TMEM143: variants seen among roughly 807,000 people sequenced by gnomAD.
TMEM143 encodes the protein transmembrane protein 143.
A neutral mutation model predicts 40.3 loss-of-function variants in TMEM143; 45 were observed. The observed-to-expected ratio is 1.12, with a 90% CI of 0.88 to 1.43. The LOEUF (loss-of-function observed/expected upper bound fraction) is 1.43, where lower values mean the gene tolerates loss of function less well. Among genes scored for constraint, TMEM143 ranks in the 40% most tolerant of loss-of-function variants. The pLI is 0.00. For missense variants in TMEM143, 620 were observed against 613.4 expected (o/e 1.01, Z -0.11); for synonymous variants, 299 against 282.7 (o/e 1.06, Z -0.58).
In TMEM143 at chr19:48,333,975, C is replaced by T. The variant is rs1449008549; in HGVS notation, c.1165+33G>A. 1.3e-6 allele frequency: 2 copies of T among 1,499,266 alleles called. No homozygotes were observed. The highest frequency in any genetic ancestry group is 2.5e-5 in the South Asian group (2 of 80,726). The allele number at this position is 1,499,266 out of a possible 1,614,324, so 92.9% of individuals were successfully genotyped here. A position where few individuals can be genotyped will look rare whatever the true frequency, so the allele number is the denominator to read the frequency against. On this transcript the variant is annotated intron_variant, in intron 7 of 7. Coordinates refer to ENST00000293261, the MANE Select transcript of TMEM143 (RefSeq NM_018273.4). The surrounding 1 kb of genome is among the most constrained non-coding windows in gnomAD (Gnocchi z 4.1). ...GGGCGGGGCCTCGCGGGGGTGTGGC[C>T]CCTGGGGGCAGGGTCCCAGGGCCAC...
At chr19:48,349,863 C>G (rs1244657294) in intron 3 of TMEM143, among the ~76,000 whole-genome samples, 5 of 152,086 alleles carry the variant, frequency 3.3e-5, no homozygotes, top group Non-Finnish European at 5.9e-5. Flanking sequence ...TATTCTAGAT[C>G]TGCACCATCC....
At position 48,343,306 on chromosome 19, in the gene TMEM143, C is replaced by G. The variant is rs774197022; in HGVS notation, c.695+15G>C. On this transcript the variant is annotated intron_variant, in intron 5 of 7. Coordinates refer to ENST00000293261, the MANE Select transcript of TMEM143 (RefSeq NM_018273.4). ...GCTCCCTCTTGCTGCAGCTGGGGAA[C>G]AAGGGCCGCCTCACCTCTCCGCAGG... The G allele has an allele frequency of 3.7e-5, 59 of 1,607,280 alleles. No homozygotes were observed. Among genetic ancestry groups the G allele is most frequent in the Admixed American group, 5.0e-5 (3 of 59,476 alleles).
chr19:48,360,325 TC>T, intron 2 of TMEM143, 149 bp from the exon 3 acceptor site: 1 of 719,732 alleles, frequency 1.4e-6, no homozygotes, highest in Non-Finnish European at 2.3e-6. Flanking sequence ...GCACCTGTAA[TC>T]CCAGCACTTT....
At chr19:48,343,295 C>T (rs1969548176) in intron 5 of TMEM143, 26 bp downstream of exon 5, 1 of 1,604,670 alleles carries the variant, frequency 6.2e-7, no homozygotes, top group Non-Finnish European at 8.5e-7. Context: ...CCTCTTGCTG[C>T]AGCTGGGGAA....
intron 3 of TMEM143, among the ~76,000 whole-genome samples, chr19:48,349,737 C>T (rs1969721632): frequency 6.6e-6 from 1 of 151,704 alleles, no homozygotes; most frequent in Admixed American, 6.6e-5. Context: ...ATGTACACTG[C>T]ACAAAGATAC....
chr19:48,338,443 T>G (rs1394628129), intron 6 of TMEM143, among the ~76,000 whole-genome samples: 1 of 152,182 alleles, frequency 6.6e-6, no homozygotes, highest in African/African-American at 2.4e-5. Flanking sequence ...GCTCCTCCCC[T>G]GTGAATGCAG....
intron 6 of TMEM143, among the ~76,000 whole-genome samples, chr19:48,341,040 T>A (rs1422028849): frequency 2.0e-5 from 3 of 152,214 alleles, no homozygotes; most frequent in Non-Finnish European, 4.4e-5. Flanking sequence ...AGCCTGGCTA[T>A]TATCTGCGGG....
At chr19:48,338,455 G>A (rs749465072) in intron 6 of TMEM143, among the ~76,000 whole-genome samples, 3 of 152,186 alleles carry the variant, frequency 2.0e-5, no homozygotes, top group South Asian at 2.1e-4. Flanking sequence ...TGAATGCAGC[G>A]CATGCTGAAA....
Position 48,342,510 on chromosome 19 carries a change from C to A in TMEM143, c.975+20G>T. On this transcript the variant is annotated intron_variant, in intron 6 of 7. Coordinates refer to ENST00000293261, the MANE Select transcript of TMEM143 (RefSeq NM_018273.4). ...CCCCACAGCGCAGGGCCGCAGGAGG[C>A]GTGGCAGGCGCATGCTCACCTTGGA... 1 of 1,586,310 alleles carries A rather than the reference C, an allele frequency of 6.3e-7. No individual in the cohort carries two copies. Among genetic ancestry groups the A allele is most frequent in the Non-Finnish European group, 8.6e-7 (1 of 1,168,988 alleles).
intron 2 of TMEM143, among the ~76,000 whole-genome samples, chr19:48,362,016 TTATG>T (rs1466536753): frequency 1.3e-5 from 2 of 151,996 alleles, no homozygotes; most frequent in African/African-American, 2.4e-5. Context: ...ATTTGTATAT[TTATG>T]TGTGTATATT....
At chr19:48,361,535 C>CTT (rs59788731) in intron 2 of TMEM143, among the ~76,000 whole-genome samples, 3,602 of 138,322 alleles carry the variant, frequency 0.026, 66 homozygotes, top group African/African-American at 0.048. Context: ...ACTTCTTCTT[C>CTT]TTTTTTTTTT....
chr19:48,340,027 C>G (rs1477829674), intron 6 of TMEM143, among the ~76,000 whole-genome samples: 1 of 151,818 alleles, frequency 6.6e-6, no homozygotes, highest in East Asian at 1.9e-4. Context: ...CTGCACCCAG[C>G]CAAGGGCCCA....
At chr19:48,342,199 CGGAAGGAAGGGGA>C (rs1356599545) in intron 6 of TMEM143, among the ~76,000 whole-genome samples, 1 of 39,368 alleles carries the variant, frequency 2.5e-5, no homozygotes, top group African/African-American at 1.1e-4. Flanking sequence ...GGAGGGGAGG[CGGAAGGAAGGGGA>C]AGAAGGAAGG....
chr19:48,359,873 A>G (rs2147388558), intron 3 of TMEM143, 199 bp downstream of exon 3: 1 of 563,434 alleles, frequency 1.8e-6, no homozygotes, highest in Non-Finnish European at 3.1e-6. Context: ...ACCAGGCATC[A>G]TATTTTATAT....
chr19:48,345,146 A>G lies in TMEM143; in HGVS notation c.564+14T>C, dbSNP rs759742999. The G allele has an allele frequency of 1.9e-6, 3 of 1,611,412 alleles. No homozygotes were observed. In the South Asian group the frequency reaches 3.3e-5, roughly 18 times the overall value. ...GGCCTCCTGGGAGTTTTGTTCTCCT[A>G]GGGAGCCAAGTACCTGGACCTCATC... On this transcript the variant is annotated intron_variant, in intron 4 of 7. Coordinates refer to ENST00000293261, the MANE Select transcript of TMEM143 (RefSeq NM_018273.4).
chr19:48,363,598 G>C, intron 1 of TMEM143, 67 bp from the exon 2 acceptor site: 2 of 1,528,760 alleles, frequency 1.3e-6, no homozygotes, highest in Non-Finnish European at 1.8e-6. Context: ...CCACCTCCAC[G>C]TCCCACCCTC....
Position 48,334,000 on chromosome 19 carries a change from C to T in TMEM143, c.1165+8G>A. 1.3e-6 allele frequency: 2 copies of T among 1,534,790 alleles called. No individual in the cohort carries two copies. The highest frequency in any genetic ancestry group is 2.4e-5 in the East Asian group (1 of 40,950). On this transcript the variant is annotated splice_region_variant and intron_variant, in intron 7 of 7. Transcript: ENST00000293261. The surrounding 1 kb of genome is among the most constrained non-coding windows in gnomAD (Gnocchi z 4.1). Reference sequence around the variant, plus strand: ...CCCTGGGGGCAGGGTCCCAGGGCCACGTCCTACCTTCGGGCGAGCCTTGAG... The same window carrying T: ...CCCTGGGGGCAGGGTCCCAGGGCCATGTCCTACCTTCGGGCGAGCCTTGAG...
rs12460224 is a variant in TMEM143, at chr19:48,333,651, G to A, written c.1166-218C>T. Among the ~76,000 whole-genome samples the A allele has an allele frequency of 3.4e-3, 520 of 152,282 alleles. 3 individuals are homozygous for A. The highest frequency in any genetic ancestry group is 0.012 in the African/African-American group (480 of 41,572). On this transcript the variant is annotated intron_variant, in intron 7 of 7. Coordinates refer to ENST00000293261, the MANE Select transcript of TMEM143 (RefSeq NM_018273.4). The surrounding 1 kb of genome is among the most constrained non-coding windows in gnomAD (Gnocchi z 4.1). ...GGCTTTCGTCTGGGGACCAGTCAGGGGCTCTTGGGCAGGGAAGGTGGGGGC... is the reference window on the plus strand; with the variant it reads ...GGCTTTCGTCTGGGGACCAGTCAGGAGCTCTTGGGCAGGGAAGGTGGGGGC...
At chr19:48,336,618 CTT>C (rs1600894989) in intron 6 of TMEM143, among the ~76,000 whole-genome samples, 1 of 152,164 alleles carries the variant, frequency 6.6e-6, no homozygotes, top group East Asian at 1.9e-4. Context: ...AAGAGAATCT[CTT>C]GAACCCGGGA....
Sources: allele counts gnomAD v4.1 joint callset (sites outside exome capture counted in the v4.1 genomes callset), GRCh38; gene constraint gnomAD v4.1.1; non-coding constraint Gnocchi (gnomAD v3.1); transcripts MANE v1.5; gene names NCBI Gene and HGNC (gene_info 2026-07-23, HGNC 2026-07-21).